The following TTC22 variants were observed in gnomAD, a reference collection of about 807,000 sequenced individuals.
TTC22 encodes tetratricopeptide repeat domain 22.
Under a neutral mutation model 48.2 loss-of-function variants are expected in TTC22, and 42 were observed. The observed-to-expected ratio is 0.87, with a 90% CI of 0.68 to 1.13. TTC22 has a LOEUF of 1.13. Ranked by LOEUF, TTC22 falls within the 50% of genes most tolerant of loss-of-function variation. The pLI, the probability that TTC22 is intolerant of heterozygous loss-of-function variation, is 0.00. For missense variants in TTC22, 784 were observed against 807.0 expected, an observed-to-expected ratio of 0.97 and a Z score of 0.34; for synonymous variants, 345 against 365.5, an observed-to-expected ratio of 0.94 and a Z score of 0.64.
At chr1:54,800,547 G>A in intron 1 of TTC22, 50 bp downstream of exon 1, 1 of 1,389,762 alleles carries the variant, frequency 7.2e-7, no homozygotes, top group Non-Finnish European at 9.4e-7. Context: ...AGGGACCATG[G>A]GAGGACCACA....
rs376729010 is a variant in TTC22 at position 54,782,329 on chromosome 1, C to T, written c.1169G>A (p.Gly390Asp). 176 of 1,535,820 alleles carry T rather than the reference C, an allele frequency of 1.1e-4. No homozygotes were observed. The highest frequency in any genetic ancestry group is 1.4e-4 in the Non-Finnish European group (157 of 1,138,210). Residue 390 changes from glycine to aspartate, a missense_variant, in exon 6 of 7, where the codon GGC becomes GAC. Transcript: ENST00000371276. ...TAAGCCAAGAGACTGCCTTACCTGGCCGATGTCCAGGTACGCCTTGAAGCC... is the reference window on the plus strand; with the variant it reads ...TAAGCCAAGAGACTGCCTTACCTGGTCGATGTCCAGGTACGCCTTGAAGCC... ...CPGFKAYLDIGQVYYYMGVDA... is the reference protein window; with the variant it reads ...CPGFKAYLDIDQVYYYMGVDA...
At chr1:54,795,682 C>T (rs1486206762) in intron 1 of TTC22, among the ~76,000 whole-genome samples, 2 of 152,232 alleles carry the variant, frequency 1.3e-5, no homozygotes, top group Non-Finnish European at 2.9e-5. Context: ...CTCTCACATA[C>T]ATCATCTTTT....
In TTC22 at chr1:54,800,817, T is replaced by C; in HGVS notation, c.347A>G (p.Glu116Gly). Residue 116 changes from glutamate (E) to glycine (G), a missense_variant, in exon 1 of 7, where the codon GAA becomes GGA. Coordinates refer to ENST00000371276, the MANE Select transcript of TTC22 (RefSeq NM_001114108.2). ...LAHVYGRLGQ[E>G]EEEEACAARL... ...TGCGGCGCACGCCTCCTCCTCTTCT[T>C]CCTGGCCCAGCCGCCCGTACACGTG... 1.3e-6 allele frequency: 2 copies of C among 1,593,714 alleles called. No homozygotes were observed. Among genetic ancestry groups the C allele is most frequent in the South Asian group, 2.3e-5 (2 of 88,242 alleles).
intron 1 of TTC22, among the ~76,000 whole-genome samples, chr1:54,796,927 T>TG (rs1646396131): frequency 6.6e-6 from 1 of 151,974 alleles, no homozygotes; most frequent in African/African-American, 2.4e-5. Context: ...AGAAACCATG[T>TG]GGGGGTAAGC....
chr1:54,786,295 T>C (rs1447429873), intron 4 of TTC22, 151 bp from the exon 5 acceptor site: 2 of 671,078 alleles, frequency 3.0e-6, no homozygotes, highest in Non-Finnish European at 5.0e-6. Context: ...CACCTGCCAG[T>C]AAGTTGTCAC....
chr1:54,801,283 G>C lies in TTC22; in HGVS notation c.-120C>G, dbSNP rs1171213473. On this transcript the variant is annotated 5_prime_UTR_variant, in exon 1 of 7. Coordinates refer to ENST00000371276, the MANE Select transcript of TTC22 (RefSeq NM_001114108.2). ...GCGAGGGGCAGCCGGCAGAGGCCCC[G>C]GGCGCTGCGGCCTCTCGGTCTCAGG... is the stretch of plus-strand genomic sequence containing the variant. 6 of 1,052,404 alleles carry C rather than the reference G, an allele frequency of 5.7e-6. No homozygotes were observed. The highest frequency in any genetic ancestry group is 8.2e-6 in the Non-Finnish European group (6 of 733,154). The allele number at this position is 1,052,404 out of a possible 1,614,324, so 65.2% of individuals were successfully genotyped here.
intron 1 of TTC22, among the ~76,000 whole-genome samples, chr1:54,792,458 C>T (rs1048642441): frequency 2.7e-5 from 4 of 150,314 alleles, no homozygotes; most frequent in Admixed American, 2.0e-4. Flanking sequence ...TTTTTTTAGA[C>T]GGAGTTTCGC....
intron 4 of TTC22, 140 bp downstream of exon 4, chr1:54,786,817 C>T (rs1046572559): frequency 1.3e-4 from 58 of 444,454 alleles, no homozygotes; most frequent in Non-Finnish European, 2.1e-4. Context: ...GGATGGAGAG[C>T]AAGGTCTGGA....
At chr1:54,791,995 A>G (rs1182669372) in intron 1 of TTC22, among the ~76,000 whole-genome samples, 1 of 151,814 alleles carries the variant, frequency 6.6e-6, no homozygotes, top group Non-Finnish European at 1.5e-5. Context: ...CAGAGCTTAC[A>G]GTCCAGTGGT....
At chr1:54,787,672 G>A in intron 3 of TTC22, 39 bp downstream of exon 3, 1 of 1,498,502 alleles carries the variant, frequency 6.7e-7, no homozygotes, top group South Asian at 1.2e-5. Flanking sequence ...GTTGGCAGGG[G>A]GCAGAGGCTG....
intron 1 of TTC22, among the ~76,000 whole-genome samples, chr1:54,793,721 T>C (rs1365857087): frequency 6.6e-6 from 1 of 152,182 alleles, no homozygotes. Flanking sequence ...TTTGAACACT[T>C]ACTATGCACC....
chr1:54,786,575 G>A, intron 4 of TTC22: 1 of 244,482 alleles, frequency 4.1e-6, no homozygotes, highest in Non-Finnish European at 7.8e-6. Context: ...CCTGTTGTAA[G>A]TGACTTGCCT....
chr1:54,784,583 T>C, intron 5 of TTC22: 1 of 1,029,772 alleles, frequency 9.7e-7, no homozygotes, highest in Non-Finnish European at 1.2e-6. Context: ...TATAGAGATA[T>C]TTTATTATTT....
At position 54,779,853 on chromosome 1, in the gene TTC22, G is replaced by A. The variant is rs1646249026; in HGVS notation, c.*1390C>T. The A allele has an allele frequency of 6.6e-6, 1 of 152,232 alleles. No individual in the cohort carries two copies. Among genetic ancestry groups the A allele is most frequent in the Non-Finnish European group, 1.5e-5 (1 of 68,060 alleles). The allele number at this position is 152,232 out of a possible 1,614,324, so 9.4% of individuals were successfully genotyped here. On this transcript the variant is annotated 3_prime_UTR_variant, in exon 7 of 7. Transcript: ENST00000371276. Reference sequence around the variant, plus strand: ...CTCTCAGTTTTCCCATCTGCACAATGAGGGGGTTGGAGTGTGTGGTCTCTA... The same window carrying A: ...CTCTCAGTTTTCCCATCTGCACAATAAGGGGGTTGGAGTGTGTGGTCTCTA...
At position 54,788,052 on chromosome 1, in the gene TTC22, G is replaced by C; in HGVS notation, c.613C>G (p.Leu205Val). ...KRGWYFTMATLYIRLDGIFLE... is the reference protein window; with the variant it reads ...KRGWYFTMATVYIRLDGIFLE... ...ACCCTCTTGCCTGACCTGATGTAGAGTGTTGCCATGGTGAAATACCAGCCC... is the reference window on the plus strand; with the variant it reads ...ACCCTCTTGCCTGACCTGATGTAGACTGTTGCCATGGTGAAATACCAGCCC... The change falls in exon 2 of 7, where the codon CTC becomes GTC. Residue 205 changes from leucine (L) to valine (V), a missense_variant. By Grantham distance (32) the Leu-to-Val change is conservative (BLOSUM62 1). Transcript: ENST00000371276. 6.2e-7 allele frequency: 1 copy of C among 1,613,958 alleles called. No individual in the cohort carries two copies. Among genetic ancestry groups the C allele is most frequent in the South Asian group, 1.1e-5 (1 of 91,082 alleles).
At chr1:54,785,774 C>T in intron 5 of TTC22, 1 of 554,652 alleles carries the variant, frequency 1.8e-6, no homozygotes, top group South Asian at 2.1e-5. Context: ...GGTGGCACCA[C>T]CATACTCCAG....
At chr1:54,800,167 G>GA (rs1472115633) in intron 1 of TTC22, among the ~76,000 whole-genome samples, 1 of 152,190 alleles carries the variant, frequency 6.6e-6, no homozygotes, top group Non-Finnish European at 1.5e-5. Context: ...CGGAGCCTTT[G>GA]TGAAGGGAGC....
chr1:54,800,500 A>T, intron 1 of TTC22, 97 bp downstream of exon 1: 1 of 1,116,030 alleles, frequency 9.0e-7, no homozygotes, highest in Admixed American at 3.8e-5. Context: ...CATGGTTGAG[A>T]GAGAGTCAGG....
Position 54,780,065 on chromosome 1 carries a change from G to A in TTC22, c.*1178C>T, listed in dbSNP as rs1646250482. ...ACTTGGGAGGCTGAGGTTTCAGTGA[G>A]CTGAGATCTGGCCACTGCACTCCAG... is the stretch of plus-strand genomic sequence containing the variant. On this transcript the variant is annotated 3_prime_UTR_variant, in exon 7 of 7. Coordinates refer to ENST00000371276, the MANE Select transcript of TTC22 (RefSeq NM_001114108.2). The A allele has an allele frequency of 6.6e-6, 1 of 152,260 alleles. No individual in the cohort carries two copies. Among genetic ancestry groups the A allele is most frequent in the African/African-American group, 2.4e-5 (1 of 41,432 alleles). 9.4% of individuals were successfully genotyped at this position (152,260 alleles called of 1,614,324 possible). A position where few individuals can be genotyped will look rare whatever the true frequency, so the allele number is the denominator to read the frequency against.
Sources: allele counts gnomAD v4.1 joint callset (sites outside exome capture counted in the v4.1 genomes callset), GRCh38; gene constraint gnomAD v4.1.1; transcripts MANE v1.5; gene names NCBI Gene and HGNC (gene_info 2026-07-23, HGNC 2026-07-21).